The following NELL1 variants were observed in gnomAD, a reference collection of about 807,000 sequenced individuals.
NELL1 encodes neural EGFL like 1.
Under a neutral mutation model 107.4 loss-of-function variants are expected in NELL1, and 76 were observed. The ratio of observed to expected loss-of-function variants is 0.71; its 90% CI spans 0.59 to 0.86. The LOEUF (loss-of-function observed/expected upper bound fraction) is 0.86. NELL1 is among the 40% of genes least tolerant of loss of function. The pLI is 0.00. For synonymous variants in NELL1, 353 were observed against 341.2 expected (o/e 1.03, Z -0.38); for missense variants, 1,024 against 1,005.5 (o/e 1.02, Z -0.25).
intron 15 of NELL1, among the ~76,000 whole-genome samples, chr11:21,386,349 C>T (rs1473875028): frequency 2.6e-5 from 4 of 151,700 alleles, no homozygotes; most frequent in Non-Finnish European, 4.4e-5. Context: ...GTTGGATTTG[C>T]GTATCATGTT....
intron 15 of NELL1, among the ~76,000 whole-genome samples, chr11:21,531,886 C>T (rs762539802): frequency 1.8e-4 from 27 of 152,214 alleles, no homozygotes; most frequent in Non-Finnish European, 3.5e-4. Flanking sequence ...GCTGAAAAGC[C>T]TCCAAGTGTT....
chr11:20,786,049 T>A (rs1856948092), intron 3 of NELL1, among the ~76,000 whole-genome samples: 1 of 151,868 alleles, frequency 6.6e-6, no homozygotes, highest in Non-Finnish European at 1.5e-5. Flanking sequence ...TTTTTTTTTT[T>A]TTTTGAGAAA....
chr11:20,870,319 GT>G (rs1199170886), intron 4 of NELL1, among the ~76,000 whole-genome samples: 2 of 152,160 alleles, frequency 1.3e-5, no homozygotes, highest in African/African-American at 4.8e-5. Context: ...CTACTATGCA[GT>G]TTTTTTCCTT....
intron 15 of NELL1, among the ~76,000 whole-genome samples, chr11:21,472,941 C>G (rs771090028): frequency 1.3e-5 from 2 of 151,796 alleles, no homozygotes; most frequent in Non-Finnish European, 2.9e-5. Flanking sequence ...ATTTAAAGTG[C>G]CCAGATTTAG....
intron 13 of NELL1, among the ~76,000 whole-genome samples, chr11:21,203,701 A>G (rs1196702136): frequency 6.6e-6 from 1 of 152,052 alleles, no homozygotes; most frequent in African/African-American, 2.4e-5. Context: ...TAGTTTCTTC[A>G]TAGTGTTGAT....
chr11:21,108,293 A>G (rs902414288), intron 12 of NELL1, among the ~76,000 whole-genome samples: 2 of 152,188 alleles, frequency 1.3e-5, no homozygotes, highest in Non-Finnish European at 1.5e-5. Context: ...TGATGATGCC[A>G]AATTTGAGTC....
At chr11:21,192,918 G>A (rs186852654) in intron 13 of NELL1, among the ~76,000 whole-genome samples, 68 of 151,912 alleles carry the variant, frequency 4.5e-4, no homozygotes, top group Middle Eastern at 3.4e-3. Context: ...AGAGGAAGGC[G>A]GACATCGTGG....
At chr11:20,684,462 A>G (rs1382235825) in intron 2 of NELL1, among the ~76,000 whole-genome samples, 1 of 152,044 alleles carries the variant, frequency 6.6e-6, no homozygotes, top group Non-Finnish European at 1.5e-5. Context: ...TTGACTGTGT[A>G]AAAAATCTTC....
chr11:21,240,608 A>G (rs563194620), intron 14 of NELL1, among the ~76,000 whole-genome samples: 1 of 152,098 alleles, frequency 6.6e-6, no homozygotes, highest in South Asian at 2.1e-4. Context: ...TCAGTCTTGA[A>G]CCCAGCAATA....
intron 14 of NELL1, among the ~76,000 whole-genome samples, chr11:21,335,607 T>C (rs536714819): frequency 6.6e-6 from 1 of 152,206 alleles, no homozygotes; most frequent in East Asian, 1.9e-4. Context: ...CAGAAGCAGA[T>C]GGATCCCCAC....
intron 14 of NELL1, among the ~76,000 whole-genome samples, chr11:21,369,840 G>A (rs1851318337): frequency 6.6e-6 from 1 of 152,024 alleles, no homozygotes; most frequent in Admixed American, 6.6e-5. Context: ...AAATTAACTG[G>A]ATGGAAGAGT....
intron 14 of NELL1, among the ~76,000 whole-genome samples, chr11:21,232,746 C>T (rs1007965095): frequency 6.6e-5 from 10 of 152,260 alleles, no homozygotes; most frequent in Admixed American, 5.9e-4. Context: ...CTCTGCCTCC[C>T]GGCTTCAAGC....
At chr11:21,365,126 CTG>C (rs1228920352) in intron 14 of NELL1, among the ~76,000 whole-genome samples, 1 of 152,210 alleles carries the variant, frequency 6.6e-6, no homozygotes, top group African/African-American at 2.4e-5. Flanking sequence ...TCTTTCAACA[CTG>C]TGTTCGTGCT....
intron 4 of NELL1, 123 bp downstream of exon 4, chr11:20,847,876 A>C: frequency 2.9e-6 from 3 of 1,032,836 alleles, no homozygotes; most frequent in Non-Finnish European, 4.2e-6. Context: ...CCTAATTGTA[A>C]TTTAACCTAC....
At chr11:20,860,025 C>T (rs553786944) in intron 4 of NELL1, among the ~76,000 whole-genome samples, 10 of 152,274 alleles carry the variant, frequency 6.6e-5, no homozygotes, top group East Asian at 3.9e-4. Context: ...GTCTAGTCCA[C>T]GTTTCCTTCT....
chr11:21,464,607 AT>A (rs1853981045), intron 15 of NELL1, among the ~76,000 whole-genome samples: 1 of 152,122 alleles, frequency 6.6e-6, no homozygotes, highest in Non-Finnish European at 1.5e-5. Flanking sequence ...TCACCACAAA[AT>A]GTTGGGGACC....
At chr11:21,100,665 A>T (rs2133704291) in intron 12 of NELL1, among the ~76,000 whole-genome samples, 1 of 152,336 alleles carries the variant, frequency 6.6e-6, no homozygotes, top group South Asian at 2.1e-4. Flanking sequence ...TTGCAGCATT[A>T]TTCACAACAG....
At chr11:21,322,048 T>A (rs942444543) in intron 14 of NELL1, among the ~76,000 whole-genome samples, 4 of 152,232 alleles carry the variant, frequency 2.6e-5, no homozygotes, top group Admixed American at 6.5e-5. Context: ...CTGTGCTTAC[T>A]TTCTGGGAGA....
At chr11:21,040,152 T>TAC (rs562438446) in intron 12 of NELL1, among the ~76,000 whole-genome samples, 29 of 151,298 alleles carry the variant, frequency 1.9e-4, no homozygotes, top group Admixed American at 1.7e-3. Context: ...TTGAAATTAT[T>TAC]ACACACACAC....
Sources: gnomAD v4.1 joint callset for allele counts (sites outside exome capture counted in the v4.1 genomes callset) on GRCh38, gnomAD v4.1.1 for gene constraint, MANE v1.5 for transcripts, NCBI Gene and HGNC (gene_info 2026-07-23, HGNC 2026-07-21) for gene names.